The following SKI variants were observed in gnomAD, a reference collection of about 807,000 sequenced individuals.
SKI encodes ski oncogene.
Under a neutral mutation model 59.3 loss-of-function variants are expected in SKI, and 23 were observed. The ratio of observed to expected loss-of-function variants is 0.39; its 90% CI spans 0.28 to 0.55. SKI has a LOEUF of 0.55. Ranked by LOEUF, SKI falls within the 20% of genes least tolerant of loss-of-function variation. SKI has a pLI of 0.67. For synonymous variants in SKI, 673 were observed against 488.6 expected (o/e 1.38, Z -4.98); for missense variants, 1,017 against 1,038.9 (o/e 0.98, Z 0.29).
chr1:2,295,314 C>T (rs1640258759), intron 1 of SKI, among the ~76,000 whole-genome samples: 1 of 152,248 alleles, frequency 6.6e-6, no homozygotes, highest in South Asian at 2.1e-4. Context: ...GGCCGTGCTG[C>T]AGTGAAAACC....
rs1640471470 is a variant in SKI, at chr1:2,303,219, G to A, written c.1096-66G>A. On this transcript the variant is annotated intron_variant, in intron 2 of 6. Transcript: ENST00000378536. The surrounding 1 kb of genome is among the most constrained non-coding windows in gnomAD (Gnocchi z 5.6). ...CTACTGAGGGCTGGCACCCGGCGCA[G>A]CCTCAGGGACATGAAGTGGCTTGTT... 1.9e-6 allele frequency: 3 copies of A among 1,600,698 alleles called. No individual in the cohort carries two copies. In the African/African-American group the frequency reaches 4.0e-5, roughly 21 times the overall value.
chr1:2,267,302 A>G lies in SKI; in HGVS notation c.970-35676A>G, dbSNP rs1269572330. Among the ~76,000 whole-genome samples the G allele has an allele frequency of 6.6e-6, 1 of 152,160 alleles. No homozygotes were observed. The highest frequency in any genetic ancestry group is 6.5e-5 in the Admixed American group (1 of 15,284). On this transcript the variant is annotated intron_variant, in intron 1 of 6. Transcript: ENST00000378536. This position sits in a 1 kb window ranked among gnomAD's most constrained non-coding sequence, Gnocchi z 4.1. ...GGGGGACTAGCACGTACCACTCAGA[A>G]TTCAGCTTGCGCGGGCTGCGGTGGA...
intron 1 of SKI, among the ~76,000 whole-genome samples, chr1:2,249,684 C>T (rs1367592448): frequency 6.6e-6 from 1 of 152,206 alleles, no homozygotes; most frequent in African/African-American, 2.4e-5. Context: ...AGAGGGCTCA[C>T]GGTGTCCCCT....
At chr1:2,253,530 C>T (rs1426158185) in intron 1 of SKI, among the ~76,000 whole-genome samples, 2 of 152,236 alleles carry the variant, frequency 1.3e-5, no homozygotes, top group African/African-American at 2.4e-5. Context: ...CCTTATGTTC[C>T]TGTCAGCCCT....
Position 2,303,818 on chromosome 1 carries a change from C to T in SKI, c.1212-22C>T, listed in dbSNP as rs774166476. ...GTGCTTGGGGACAGAGGCACCTTCC[C>T]GACACCCGCCTGCCCCTCCAGCTTC... On this transcript the variant is annotated intron_variant, in intron 3 of 6. Transcript: ENST00000378536. The surrounding 1 kb of genome is among the most constrained non-coding windows in gnomAD (Gnocchi z 5.6). 2.1e-5 allele frequency: 34 copies of T among 1,610,786 alleles called. No homozygotes were observed. The highest frequency in any genetic ancestry group is 1.8e-4 in the East Asian group (8 of 44,822).
chr1:2,263,854 A>T (rs1288220457), intron 1 of SKI, among the ~76,000 whole-genome samples: 2 of 146,358 alleles, frequency 1.4e-5, no homozygotes. Flanking sequence ...GCGACAAAGC[A>T]AGACTCCATC....
intron 1 of SKI, among the ~76,000 whole-genome samples, chr1:2,287,385 G>A (rs1640061092): frequency 2.0e-5 from 3 of 147,342 alleles, no homozygotes; most frequent in South Asian, 2.1e-4. Flanking sequence ...CGCCCAGGCT[G>A]GAGGGCAGTG....
At chr1:2,277,145 T>C (rs533326846) in intron 1 of SKI, among the ~76,000 whole-genome samples, 175 of 152,308 alleles carry the variant, frequency 1.1e-3, no homozygotes, top group African/African-American at 4.1e-3. Context: ...ACTTAAAACT[T>C]CTTTTTTTCT....
intron 1 of SKI, among the ~76,000 whole-genome samples, chr1:2,246,167 C>T (rs1030534310): frequency 2.0e-5 from 3 of 152,188 alleles, no homozygotes; most frequent in Non-Finnish European, 2.9e-5. Flanking sequence ...CAACAGCGTT[C>T]GAGCAGCACT....
rs557127781 is a variant in SKI, at chr1:2,306,505, G to A, written c.1999-72G>A. 2.3e-5 allele frequency: 34 copies of A among 1,456,376 alleles called. No homozygotes were observed. In the East Asian group the frequency reaches 2.8e-4, roughly 12 times the overall value. The allele number at this position is 1,456,376 out of a possible 1,614,324, so 90.2% of individuals were successfully genotyped here. ...GGACAGGGAGCGGCGCAGGAGCCTCGGGTGGGGGAAGCAGCGTCGGGCCGG... is the reference window on the plus strand; with the variant it reads ...GGACAGGGAGCGGCGCAGGAGCCTCAGGTGGGGGAAGCAGCGTCGGGCCGG... On this transcript the variant is annotated intron_variant, in intron 6 of 6. Coordinates refer to ENST00000378536, the MANE Select transcript of SKI (RefSeq NM_003036.4).
intron 1 of SKI, among the ~76,000 whole-genome samples, chr1:2,292,653 C>T (rs1052015585): frequency 6.6e-6 from 1 of 152,184 alleles, no homozygotes; most frequent in African/African-American, 2.4e-5. Flanking sequence ...GCGGTGCCCA[C>T]CTGGGTGTGT....
At chr1:2,254,666 C>T (rs906907487) in intron 1 of SKI, among the ~76,000 whole-genome samples, 118 of 152,164 alleles carry the variant, frequency 7.8e-4, no homozygotes, top group Non-Finnish European at 2.2e-4. Flanking sequence ...GAGGTAGGAG[C>T]CGAATTGGAG....
Position 2,272,898 on chromosome 1 carries a change from T to C in SKI, c.970-30080T>C, listed in dbSNP as rs536105447. On this transcript the variant is annotated intron_variant, in intron 1 of 6. Coordinates refer to ENST00000378536, the MANE Select transcript of SKI (RefSeq NM_003036.4). ...CCTGCCCCCGAGGCTCGCTGGCGTC[T>C]GTGCTTCTTCCAGGCGGAGGGGGAG... Among the ~76,000 whole-genome samples, 8 of 152,160 alleles carry C rather than the reference T, an allele frequency of 5.3e-5. No individual in the cohort carries two copies. In the South Asian group the frequency reaches 1.4e-3, roughly 28 times the overall value.
chr1:2,239,367 C>T (rs1480846164), intron 1 of SKI, among the ~76,000 whole-genome samples: 2 of 152,176 alleles, frequency 1.3e-5, no homozygotes, highest in Non-Finnish European at 2.9e-5. Context: ...AAGGTAAACC[C>T]CCTGGGTTGC....
chr1:2,275,804 C>T (rs927037105), intron 1 of SKI, among the ~76,000 whole-genome samples: 2 of 152,226 alleles, frequency 1.3e-5, no homozygotes, highest in Admixed American at 1.3e-4. Flanking sequence ...AGCCACCGCA[C>T]TGGCCAGCGT....
intron 6 of SKI, 24 bp from the exon 7 acceptor site, chr1:2,306,553 G>A: frequency 2.0e-6 from 3 of 1,537,674 alleles, no homozygotes; most frequent in South Asian, 2.4e-5. Context: ...AGCAGGCGCC[G>A]CTGACCACTC....
At chr1:2,279,151 C>T (rs1184016026) in intron 1 of SKI, among the ~76,000 whole-genome samples, 4 of 152,202 alleles carry the variant, frequency 2.6e-5, no homozygotes, top group East Asian at 3.9e-4. Context: ...CCCCATTGGG[C>T]GCCTGACTCT....
At chr1:2,250,000 A>T (rs1639095390) in intron 1 of SKI, among the ~76,000 whole-genome samples, 1 of 151,792 alleles carries the variant, frequency 6.6e-6, no homozygotes, top group African/African-American at 2.4e-5. Context: ...CGCCTCCTGG[A>T]TTCAAGTGAT....
chr1:2,244,586 C>T (rs897958659), intron 1 of SKI, among the ~76,000 whole-genome samples: 1 of 152,008 alleles, frequency 6.6e-6, no homozygotes, highest in Non-Finnish European at 1.5e-5. Flanking sequence ...TCTCAAAAAA[C>T]GAAAAGCAAA....
Sources: allele counts gnomAD v4.1 joint callset (sites outside exome capture counted in the v4.1 genomes callset), GRCh38; gene constraint gnomAD v4.1.1; non-coding constraint Gnocchi (gnomAD v3.1); transcripts MANE v1.5; gene names NCBI Gene and HGNC (gene_info 2026-07-23, HGNC 2026-07-21).